The following KANSL1L variants were observed in gnomAD, a reference collection of about 807,000 sequenced individuals.
KANSL1L encodes KAT8 regulatory NSL complex subunit 1-like protein.
In KANSL1L, 25 loss-of-function variants were observed where a neutral mutation model predicts 108.6. The ratio of observed to expected loss-of-function variants is 0.23; its 90% CI spans 0.17 to 0.32. The LOEUF (loss-of-function observed/expected upper bound fraction) is 0.32. Among genes scored for constraint, KANSL1L ranks in the 10% least tolerant of loss-of-function variants. The pLI, the probability that KANSL1L is intolerant of heterozygous loss-of-function variation, is 1.00. For missense variants in KANSL1L, 1,137 were observed against 1,125.7 expected (o/e 1.01, Z -0.14); for synonymous variants, 405 against 395.1 (o/e 1.03, Z -0.30).
At chr2:210,045,119 T>C (rs888098752) in intron 6 of KANSL1L, among the ~76,000 whole-genome samples, 1 of 152,194 alleles carries the variant, frequency 6.6e-6, no homozygotes, top group Non-Finnish European at 1.5e-5. Flanking sequence ...TATTCTTGAA[T>C]AATCCTGCTA....
At chr2:210,059,631 TC>T (rs1180717597) in intron 6 of KANSL1L, among the ~76,000 whole-genome samples, 1 of 152,170 alleles carries the variant, frequency 6.6e-6, no homozygotes, top group Non-Finnish European at 1.5e-5. Flanking sequence ...CCTATAGAAG[TC>T]CCTGGAGTAC....
At chr2:210,131,709 CT>C (rs749224357) in intron 2 of KANSL1L, among the ~76,000 whole-genome samples, 707 of 139,034 alleles carry the variant, frequency 5.1e-3, no homozygotes, top group Middle Eastern at 0.015. Context: ...AATAAATTTT[CT>C]TTTTTTTTTT....
chr2:210,083,904 C>A (rs527267021), intron 5 of KANSL1L, among the ~76,000 whole-genome samples: 1 of 151,680 alleles, frequency 6.6e-6, no homozygotes, highest in East Asian at 1.9e-4. Context: ...TATTTATCCT[C>A]CAATTGGCAA....
intron 5 of KANSL1L, among the ~76,000 whole-genome samples, chr2:210,082,225 A>C (rs2094596334): frequency 6.6e-6 from 1 of 152,232 alleles, no homozygotes; most frequent in African/African-American, 2.4e-5. Context: ...AAATACTGTA[A>C]TGCTGATAAT....
At chr2:210,135,320 G>C (rs549876210) in intron 2 of KANSL1L, among the ~76,000 whole-genome samples, 19 of 152,256 alleles carry the variant, frequency 1.2e-4, no homozygotes, top group African/African-American at 4.3e-4. Context: ...ATGAGAAAGA[G>C]GTACATGGAC....
chr2:210,147,483 TTACCATTTTTAGC>T (rs2095273806), intron 2 of KANSL1L, among the ~76,000 whole-genome samples: 1 of 152,164 alleles, frequency 6.6e-6, no homozygotes, highest in African/African-American at 2.4e-5. Flanking sequence ...AAATATTTCT[TTACCATTTTTAGC>T]TACTAGTCTG....
intron 3 of KANSL1L, among the ~76,000 whole-genome samples, chr2:210,127,390 T>C (rs1044029693): frequency 6.6e-6 from 1 of 152,144 alleles, no homozygotes. Context: ...TTAGCAATGA[T>C]TTCTTAGCTA....
At chr2:210,072,249 T>C (rs1323302232) in intron 6 of KANSL1L, among the ~76,000 whole-genome samples, 1 of 152,204 alleles carries the variant, frequency 6.6e-6, no homozygotes, top group Non-Finnish European at 1.5e-5. Context: ...TGGCCAGTTG[T>C]TTTTTAATAC....
intron 3 of KANSL1L, among the ~76,000 whole-genome samples, chr2:210,116,480 C>A (rs987334530): frequency 3.3e-5 from 5 of 152,162 alleles, no homozygotes; most frequent in African/African-American, 1.2e-4. Context: ...TCGGATCTGA[C>A]CCTGTGCAGT....
At chr2:210,137,051 G>A (rs1405917255) in intron 2 of KANSL1L, among the ~76,000 whole-genome samples, 1 of 152,088 alleles carries the variant, frequency 6.6e-6, no homozygotes, top group Non-Finnish European at 1.5e-5. Flanking sequence ...CTAAAATAAA[G>A]CAGTCCACAT....
At chr2:210,162,449 AT>A (rs2095367149) in intron 1 of KANSL1L, among the ~76,000 whole-genome samples, 1 of 151,886 alleles carries the variant, frequency 6.6e-6, no homozygotes. Flanking sequence ...GAAGAAAAAA[AT>A]AAAAATTTCT....
chr2:210,098,941 C>T (rs1048136409), intron 4 of KANSL1L, among the ~76,000 whole-genome samples: 2 of 151,194 alleles, frequency 1.3e-5, no homozygotes, highest in African/African-American at 4.9e-5. Flanking sequence ...TTATAATAAG[C>T]AAAGGCCACA....
At position 210,044,165 on chromosome 2, in the gene KANSL1L, A is replaced by G; in HGVS notation, c.1756-61T>C. On this transcript the variant is annotated intron_variant, in intron 6 of 14. Coordinates refer to ENST00000281772, the MANE Select transcript of KANSL1L (RefSeq NM_152519.4). The surrounding 1 kb of genome is among the most constrained non-coding windows in gnomAD (Gnocchi z 4.2). ...AAGCATCCATAAATGGCATATCTCT[A>G]CATTTATTTAGGTTATCTTTAAATA... 1 of 1,118,476 alleles carries G rather than the reference A, an allele frequency of 8.9e-7. No individual in the cohort carries two copies. The highest frequency in any genetic ancestry group is 2.8e-5 in the East Asian group (1 of 35,700). 69.3% of individuals were successfully genotyped at this position (1,118,476 alleles called of 1,614,324 possible).
At chr2:210,153,359 T>C in intron 2 of KANSL1L, 136 bp downstream of exon 2, 1 of 692,916 alleles carries the variant, frequency 1.4e-6, no homozygotes, top group Non-Finnish European at 2.2e-6. Context: ...GTCTCAAAAA[T>C]AAAAATTAAA....
chr2:210,030,534 ACTGTGTGTGT>A (rs1437211347), intron 9 of KANSL1L, among the ~76,000 whole-genome samples: 2 of 128,664 alleles, frequency 1.6e-5, no homozygotes, highest in African/African-American at 2.9e-5. Context: ...GTTCCCAGTT[ACTGTGTGTGT>A]GTGTGTGTGT....
At chr2:210,137,414 T>C (rs1004985524) in intron 2 of KANSL1L, among the ~76,000 whole-genome samples, 4 of 152,126 alleles carry the variant, frequency 2.6e-5, no homozygotes, top group Admixed American at 6.5e-5. Flanking sequence ...ACAACCCACA[T>C]TGTGGATACA....
At chr2:210,042,128 C>G (rs1480784177) in intron 7 of KANSL1L, among the ~76,000 whole-genome samples, 1 of 152,144 alleles carries the variant, frequency 6.6e-6, no homozygotes, top group Non-Finnish European at 1.5e-5. Context: ...CATGATCTAA[C>G]AAGAAAAGGT....
In KANSL1L at chr2:210,044,260, TATTA is replaced by T. The variant is rs1425218449; in HGVS notation, c.1756-160_1756-157del. ...TGTTTTCCCAATTAACTTTAATATT[TATTA>T]ATTCAATCATAAAAGGGATGTAAAA... is the stretch of plus-strand genomic sequence containing the variant. On this transcript the variant is annotated intron_variant, in intron 6 of 14. Transcript: ENST00000281772. This position sits in a 1 kb window ranked among gnomAD's most constrained non-coding sequence, Gnocchi z 4.2. 1.3e-5 allele frequency among the ~76,000 whole-genome samples: 2 copies of T among 152,220 alleles called. No homozygotes were observed. The highest frequency in any genetic ancestry group is 4.8e-5 in the African/African-American group (2 of 41,464).
At chr2:210,158,367 G>A (rs2095344764) in intron 1 of KANSL1L, among the ~76,000 whole-genome samples, 1 of 152,144 alleles carries the variant, frequency 6.6e-6, no homozygotes, top group Non-Finnish European at 1.5e-5. Context: ...ACAGCCATGT[G>A]AGTGATCTGA....
Sources: gnomAD v4.1 joint callset for allele counts (sites outside exome capture counted in the v4.1 genomes callset) on GRCh38, gnomAD v4.1.1 for gene constraint, Gnocchi (gnomAD v3.1) non-coding constraint, MANE v1.5 for transcripts, NCBI Gene and HGNC (gene_info 2026-07-23, HGNC 2026-07-21) for gene names.